The following ZC3H18 variants were observed in gnomAD, a reference collection of about 807,000 sequenced individuals.
ZC3H18 encodes the protein zinc finger CCCH-type containing 18.
Under a neutral mutation model 106.1 loss-of-function variants are expected in ZC3H18, and 8 were observed. The ratio of observed to expected loss-of-function variants is 0.08; its 90% CI spans 0.04 to 0.14. The LOEUF is 0.14. ZC3H18 is among the 10% of genes least tolerant of loss of function. The probability of loss-of-function intolerance (pLI) is 1.00; values close to 1 mark genes in which losing one functional copy is unlikely to be tolerated. For synonymous variants in ZC3H18, 635 were observed against 522.1 expected (o/e 1.22, Z -2.95); for missense variants, 1,318 against 1,278.4 (o/e 1.03, Z -0.47).
chr16:88,628,977 G>GCAAGT, intron 16 of ZC3H18, 123 bp downstream of exon 16: 2 of 834,078 alleles, frequency 2.4e-6, no homozygotes, highest in Non-Finnish European at 3.8e-6. Context: ...CATCTGACTT[G>GCAAGT]CAGATGATGC....
At chr16:88,589,017 C>A (rs1228690650) in intron 3 of ZC3H18, among the ~76,000 whole-genome samples, 2 of 152,154 alleles carry the variant, frequency 1.3e-5, no homozygotes, top group Non-Finnish European at 2.9e-5. Context: ...GTGGCTGATT[C>A]TTACCGTTTT....
chr16:88,600,873 C>A (rs1243929264), intron 6 of ZC3H18, among the ~76,000 whole-genome samples: 2 of 152,238 alleles, frequency 1.3e-5, no homozygotes, highest in Non-Finnish European at 2.9e-5. Context: ...GATTATAATT[C>A]GGGCAGATCT....
chr16:88,590,397 G>A (rs773057574), intron 3 of ZC3H18, among the ~76,000 whole-genome samples: 4 of 152,060 alleles, frequency 2.6e-5, no homozygotes, highest in African/African-American at 9.7e-5. Flanking sequence ...CTTTGTGTAC[G>A]CCTGCCCGGC....
intron 2 of ZC3H18, among the ~76,000 whole-genome samples, chr16:88,579,401 G>A (rs554472385): frequency 2.9e-4 from 44 of 152,272 alleles, no homozygotes; most frequent in African/African-American, 9.9e-4. Flanking sequence ...GGGCTCTGGC[G>A]TGCTCTAGTT....
rs749335369 is a variant in ZC3H18, at chr16:88,630,503, C to T, written c.2585C>T (p.Ser862Leu). ...SPDRGSRDRK[S>L]GGRLGSPKPE... Reference sequence around the variant, plus strand: ...CACCCAGGTTCTCGGGACCGGAAGTCAGGTGGGAGACTGGGCTCCCCGAAG... The same window carrying T: ...CACCCAGGTTCTCGGGACCGGAAGTTAGGTGGGAGACTGGGCTCCCCGAAG... The change falls in exon 17 of 18, where the codon TCA becomes TTA. Residue 862 changes from serine (S) to leucine (L), a missense_variant. This residue lies in a region of ZC3H18 where 848 missense variants were observed against 821.7 expected (regional missense o/e 1.03). Transcript: ENST00000301011. 3 of 1,613,512 alleles carry T rather than the reference C, an allele frequency of 1.9e-6. No individual in the cohort carries two copies. In the South Asian group the frequency reaches 3.3e-5, roughly 18 times the overall value.
At chr16:88,621,070 A>C (rs1905926972) in intron 8 of ZC3H18, among the ~76,000 whole-genome samples, 1 of 151,990 alleles carries the variant, frequency 6.6e-6, no homozygotes, top group African/African-American at 2.4e-5. Flanking sequence ...TTTGAGACGA[A>C]GTCTTGCTCT....
chr16:88,587,635 C>T, intron 3 of ZC3H18: 13 of 1,527,250 alleles, frequency 8.5e-6, no homozygotes, highest in Non-Finnish European at 1.1e-5. Flanking sequence ...GCTATATTCA[C>T]TCTCTTCAGT....
At chr16:88,613,042 T>C (rs1453975386) in intron 8 of ZC3H18, among the ~76,000 whole-genome samples, 1 of 152,132 alleles carries the variant, frequency 6.6e-6, no homozygotes, top group African/African-American at 2.4e-5. Context: ...CAGCAGTCAC[T>C]CTCCATTTTC....
intron 7 of ZC3H18, among the ~76,000 whole-genome samples, chr16:88,610,935 G>A (rs988367766): frequency 6.6e-6 from 1 of 152,234 alleles, no homozygotes; most frequent in Non-Finnish European, 1.5e-5. Context: ...AGAATTGGTG[G>A]TTGGGATGAT....
chr16:88,619,315 G>T (rs562748760), intron 8 of ZC3H18, among the ~76,000 whole-genome samples: 1 of 152,196 alleles, frequency 6.6e-6, no homozygotes, highest in Non-Finnish European at 1.5e-5. Flanking sequence ...CTGCATCCTG[G>T]TTAAAATCAG....
chr16:88,604,453 G>C (rs1181320003), intron 6 of ZC3H18, among the ~76,000 whole-genome samples: 1 of 152,188 alleles, frequency 6.6e-6, no homozygotes, highest in African/African-American at 2.4e-5. Flanking sequence ...CTGGGAGGCT[G>C]AGGCAGGCAG....
Position 88,622,136 on chromosome 16 carries a change from A to T in ZC3H18, c.1476-61A>T, listed in dbSNP as rs1906003991. 3.9e-6 allele frequency: 6 copies of T among 1,543,618 alleles called. No homozygotes were observed. The South Asian group carries it at 7.3e-5, about 19-fold the overall frequency. On this transcript the variant is annotated intron_variant, in intron 8 of 17. Transcript: ENST00000301011. The stretch of plus-strand genomic sequence containing the variant: ...CCATAGTCTCTCCCGCTGCTGTCAC[A>T]CCTGGCATTGCTGTGAAGCGGAAGG...
intron 3 of ZC3H18, among the ~76,000 whole-genome samples, chr16:88,590,552 G>GTTTA (rs1597330233): frequency 1.3e-4 from 9 of 70,828 alleles, no homozygotes; most frequent in South Asian, 4.1e-4. Flanking sequence ...CCCACTTTGG[G>GTTTA]TTTCTTTATT....
intron 8 of ZC3H18, 133 bp from the exon 9 acceptor site, chr16:88,622,063 AG>A: frequency 9.1e-7 from 1 of 1,100,904 alleles, no homozygotes; most frequent in Non-Finnish European, 1.3e-6. Flanking sequence ...TTTTCCCCTT[AG>A]GACCCTTTGT....
chr16:88,624,309 C>T (rs1906155564), intron 11 of ZC3H18: 2 of 658,230 alleles, frequency 3.0e-6, no homozygotes, highest in South Asian at 3.9e-5. Context: ...GACACGGCAG[C>T]AGCCGGGTGT....
chr16:88,611,306 C>A lies in ZC3H18; in HGVS notation c.1245C>A (p.Arg415=), dbSNP rs776556506. 1.3e-6 allele frequency: 1 copy of A among 751,824 alleles called. No individual in the cohort carries two copies. The highest frequency in any genetic ancestry group is 2.5e-6 in the Non-Finnish European group (1 of 407,800). 46.6% of individuals were successfully genotyped at this position (751,824 alleles called of 1,614,324 possible). A position where few individuals can be genotyped will look rare whatever the true frequency, so the allele number is the denominator to read the frequency against. The change falls in exon 8 of 18, where the codon CGC becomes CGA. Residue 415 remains arginine, a synonymous_variant. Transcript: ENST00000301011. ...AGCGAGAGAGAGAGAACAGACAGCG[C>A]GAGCGCGAGCGGGAGCGGGAGCGGG... is the stretch of plus-strand genomic sequence containing the variant. ...ERERERENRQ[R]ERERERERDR...
chr16:88,577,027 T>C, intron 1 of ZC3H18, 83 bp from the exon 2 acceptor site: 2 of 1,435,484 alleles, frequency 1.4e-6, no homozygotes, highest in African/African-American at 2.9e-5. Context: ...ATGGAAGTCC[T>C]GCTGCTTCAG....
chr16:88,630,552 C>T lies in ZC3H18; in HGVS notation c.2634C>T (p.Asn878=), dbSNP rs1414811153. 1.2e-6 allele frequency: 2 copies of T among 1,611,404 alleles called. No homozygotes were observed. Among genetic ancestry groups the T allele is most frequent in the East Asian group, 2.2e-5 (1 of 44,824 alleles). The change falls in exon 17 of 18, where the codon AAC becomes AAT. Residue 878 remains asparagine (N), a synonymous_variant. Transcript: ENST00000301011. ...SPKPERQRGQ[N]SKAPAAPADR... Reference sequence around the variant, plus strand: ...AGCCAGAGCGGCAGAGAGGCCAGAACTCCAAAGCCCCTGCAGCCCCGGCTG... The same window carrying T: ...AGCCAGAGCGGCAGAGAGGCCAGAATTCCAAAGCCCCTGCAGCCCCGGCTG...
At chr16:88,583,934 C>T (rs1251548643) in intron 2 of ZC3H18, among the ~76,000 whole-genome samples, 3 of 152,120 alleles carry the variant, frequency 2.0e-5, no homozygotes, top group East Asian at 1.9e-4. Context: ...CCAGGAGACC[C>T]GGAGTTCCTG....
Sources: gnomAD v4.1 joint callset for allele counts (sites outside exome capture counted in the v4.1 genomes callset) on GRCh38, gnomAD v4.1.1 for gene constraint, gnomAD v4.1.1 regional missense constraint, MANE v1.5 for transcripts, NCBI Gene and HGNC (gene_info 2026-07-23, HGNC 2026-07-21) for gene names.